MAP1B: variants seen among roughly 807,000 people sequenced by gnomAD.
MAP1B encodes the protein microtubule-associated protein 1B.
In MAP1B, 12 loss-of-function variants were observed where a neutral mutation model predicts 176.1. The observed-to-expected ratio is 0.07, with a 90% confidence interval of 0.04 to 0.11. The LOEUF is 0.11. Ranked by LOEUF, MAP1B falls within the 10% of genes least tolerant of loss-of-function variation. The probability of loss-of-function intolerance (pLI) is 1.00; values close to 1 mark genes in which losing one functional copy is unlikely to be tolerated. For synonymous variants in MAP1B, 1,044 were observed against 1,135.0 expected (o/e 0.92, Z 1.61); for missense variants, 2,523 against 2,990.5 (o/e 0.84, Z 3.65).
In MAP1B at chr5:72,195,504, GAGA is replaced by G; in HGVS notation, c.2155_2157del (p.Lys719del). ...AGTCAAGAAGGAAGTTAAGAAGGAA[GAGA>G]AGAAGGAAGTGAAAAAGGAAGAAAA... On this transcript the variant is annotated inframe_deletion, in exon 5 of 7. Coordinates refer to ENST00000296755, the MANE Select transcript of MAP1B (RefSeq NM_005909.5). 6.3e-7 allele frequency: 1 copy of G among 1,585,282 alleles called. No homozygotes were observed. Among genetic ancestry groups the G allele is most frequent in the South Asian group, 1.2e-5 (1 of 84,128 alleles).
chr5:72,179,734 C>T, intron 2 of MAP1B: 3 of 985,472 alleles, frequency 3.0e-6, no homozygotes, highest in Non-Finnish European at 3.6e-6. Flanking sequence ...CTTTAAATCC[C>T]CTCCTTCATT....
intron 4 of MAP1B, among the ~76,000 whole-genome samples, chr5:72,187,120 C>T (rs1746925220): frequency 6.6e-6 from 1 of 152,190 alleles, no homozygotes; most frequent in South Asian, 2.1e-4. Flanking sequence ...GCTTTTGGCA[C>T]CTCGTTTTCC....
intron 1 of MAP1B, among the ~76,000 whole-genome samples, chr5:72,112,942 A>C (rs1441546652): frequency 6.6e-6 from 1 of 152,182 alleles, no homozygotes; most frequent in Non-Finnish European, 1.5e-5. Flanking sequence ...GAACCTCTTC[A>C]CCAACACCCC....
chr5:72,155,723 T>A (rs1746215535), intron 2 of MAP1B, among the ~76,000 whole-genome samples: 2 of 152,002 alleles, frequency 1.3e-5, no homozygotes, highest in Non-Finnish European at 2.9e-5. Flanking sequence ...CTGTAGAAAA[T>A]CTGAAAGCGT....
chr5:72,188,735 T>G (rs1408686281), intron 4 of MAP1B, among the ~76,000 whole-genome samples: 2 of 152,010 alleles, frequency 1.3e-5, no homozygotes, highest in Non-Finnish European at 2.9e-5. Flanking sequence ...GAAAAAAAAA[T>G]TTGCCCTAAC....
At chr5:72,188,625 G>T (rs1746963537) in intron 4 of MAP1B, among the ~76,000 whole-genome samples, 1 of 152,110 alleles carries the variant, frequency 6.6e-6, no homozygotes, top group Admixed American at 6.6e-5. Context: ...TTTAAATAAG[G>T]TTGTTATGAA....
chr5:72,125,588 C>T (rs1157719778), intron 2 of MAP1B, among the ~76,000 whole-genome samples: 6 of 152,130 alleles, frequency 3.9e-5, no homozygotes, highest in African/African-American at 1.2e-4. Flanking sequence ...AATAAGATAA[C>T]TAATGAAACA....
chr5:72,112,384 C>G (rs994912315), intron 1 of MAP1B, among the ~76,000 whole-genome samples: 1 of 152,166 alleles, frequency 6.6e-6, no homozygotes, highest in Non-Finnish European at 1.5e-5. Context: ...TTAAACAACC[C>G]TGCAAAATGC....
At chr5:72,203,506 A>C in intron 5 of MAP1B, 57 bp from the exon 6 acceptor site, 1 of 1,227,328 alleles carries the variant, frequency 8.1e-7, no homozygotes, top group Non-Finnish European at 1.2e-6. Context: ...CATGTGCTGG[A>C]TGTATGGTCT....
chr5:72,124,844 C>T (rs1240897152), intron 2 of MAP1B, among the ~76,000 whole-genome samples: 6 of 152,204 alleles, frequency 3.9e-5, no homozygotes, highest in South Asian at 4.1e-4. Context: ...GGGAGCAACA[C>T]GTTTTTAGTG....
At chr5:72,152,437 AT>A (rs1372893505) in intron 2 of MAP1B, among the ~76,000 whole-genome samples, 1 of 152,098 alleles carries the variant, frequency 6.6e-6, no homozygotes, top group Non-Finnish European at 1.5e-5. Context: ...GGAAAATCCC[AT>A]GGTTGTTTTA....
chr5:72,175,817 A>G (rs1746642443), intron 2 of MAP1B, among the ~76,000 whole-genome samples: 1 of 152,246 alleles, frequency 6.6e-6, no homozygotes, highest in South Asian at 2.1e-4. Flanking sequence ...AGAGAAAATT[A>G]GGTATAGACT....
At chr5:72,169,543 G>A (rs926358813) in intron 2 of MAP1B, 2 of 154,310 alleles carry the variant, frequency 1.3e-5, no homozygotes, top group African/African-American at 2.4e-5. Flanking sequence ...ATCCCATTCA[G>A]AAGTGGAGTG....
At chr5:72,143,416 C>T (rs754198148) in intron 2 of MAP1B, among the ~76,000 whole-genome samples, 1 of 152,196 alleles carries the variant, frequency 6.6e-6, no homozygotes, top group Admixed American at 6.5e-5. Flanking sequence ...TTATGAACGT[C>T]ATCCACAATT....
intron 2 of MAP1B, among the ~76,000 whole-genome samples, chr5:72,154,230 C>A (rs1746191166): frequency 6.6e-6 from 1 of 152,108 alleles, no homozygotes; most frequent in Non-Finnish European, 1.5e-5. Flanking sequence ...CTGAAGTGTT[C>A]CCAGAGGGAA....
chr5:72,172,026 G>C (rs907666542), intron 2 of MAP1B, among the ~76,000 whole-genome samples: 1 of 152,170 alleles, frequency 6.6e-6, no homozygotes, highest in African/African-American at 2.4e-5. Flanking sequence ...AGGTCCCTTG[G>C]GTTGGGCTAA....
chr5:72,170,094 G>T (rs74835206), intron 2 of MAP1B, among the ~76,000 whole-genome samples: 7,662 of 152,234 alleles, frequency 0.05, 386 homozygotes, highest in African/African-American at 0.13. Flanking sequence ...TAAAAATTTA[G>T]ATTCCTGTTA....
chr5:72,138,462 A>C (rs1168608753), intron 2 of MAP1B, among the ~76,000 whole-genome samples: 1 of 152,196 alleles, frequency 6.6e-6, no homozygotes, highest in Non-Finnish European at 1.5e-5. Flanking sequence ...TTTTCAATAT[A>C]TATGAAGAGT....
intron 2 of MAP1B, among the ~76,000 whole-genome samples, chr5:72,122,561 C>T (rs1745549201): frequency 6.6e-6 from 1 of 151,938 alleles, no homozygotes; most frequent in South Asian, 2.1e-4. Context: ...CATTTCACTG[C>T]CATGTTCAGG....
Sources: gnomAD v4.1 joint callset for allele counts (sites outside exome capture counted in the v4.1 genomes callset) on GRCh38, gnomAD v4.1.1 for gene constraint, MANE v1.5 for transcripts, NCBI Gene and HGNC (gene_info 2026-07-23, HGNC 2026-07-21) for gene names.